The following MFSD8 variants were observed in gnomAD, a reference collection of about 807,000 sequenced individuals.
MFSD8 encodes major facilitator superfamily domain-containing protein 8.
MFSD8 carries 55 observed loss-of-function variants against 66.4 expected under a neutral mutation model. That is an observed-to-expected ratio of 0.83 (90% confidence interval 0.67 to 1.04). The LOEUF (loss-of-function observed/expected upper bound fraction) is 1.04. Among genes scored for constraint, MFSD8 ranks in the 50% least tolerant of loss-of-function variants. The pLI, the probability that MFSD8 is intolerant of heterozygous loss-of-function variation, is 0.00. For missense variants in MFSD8, 550 were observed against 627.6 expected (o/e 0.88, Z 1.32); for synonymous variants, 202 against 212.8 (o/e 0.95, Z 0.44).
At chr4:127,960,299 C>T (rs1433710891) in intron 1 of MFSD8, among the ~76,000 whole-genome samples, 3 of 152,150 alleles carry the variant, frequency 2.0e-5, no homozygotes, top group Admixed American at 6.5e-5. Context: ...GAGGCCAAAG[C>T]CGGGCAGACT....
intron 2 of MFSD8, among the ~76,000 whole-genome samples, chr4:127,950,919 G>C (rs1741833236): frequency 6.6e-6 from 1 of 151,300 alleles, no homozygotes; most frequent in Non-Finnish European, 1.5e-5. Flanking sequence ...AAATTAGCTG[G>C]GCATGGTAGC....
Position 127,933,092 on chromosome 4 carries a change from T to C in MFSD8, c.756A>G (p.Ala252=). ...RQCKSINFEE[A]STDEAQVPQG... Reference sequence around the variant, plus strand: ...GGGGAACCTGAGCTTCATCTGTACTTGCTATAGGGAAATAGGAGAAAAATT... The same window carrying C: ...GGGGAACCTGAGCTTCATCTGTACTCGCTATAGGGAAATAGGAGAAAAATT... Residue 252 remains alanine (A), a splice_region_variant and synonymous_variant, in exon 8 of 12, where the codon GCA becomes GCG. Coordinates refer to ENST00000641686, the MANE Select transcript of MFSD8 (RefSeq NM_001371596.2). 6.2e-7 allele frequency: 1 copy of C among 1,612,406 alleles called. No homozygotes were observed. The highest frequency in any genetic ancestry group is 8.5e-7 in the Non-Finnish European group (1 of 1,178,628).
At chr4:127,949,977 T>C in intron 2 of MFSD8, 130 bp from the exon 3 acceptor site, 2 of 668,672 alleles carry the variant, frequency 3.0e-6, no homozygotes, top group Admixed American at 5.5e-5. Context: ...AATGCCTAAT[T>C]TATGAGGCAA....
chr4:127,928,668 T>A (rs1482849303), intron 9 of MFSD8, among the ~76,000 whole-genome samples: 1 of 152,118 alleles, frequency 6.6e-6, no homozygotes, highest in African/African-American at 2.4e-5. Context: ...AAAACCACTA[T>A]GGAAAACAGT....
rs1375020078 is a variant in MFSD8 at position 127,921,515 on chromosome 4, C to T, written c.1350+9G>A. ...TTCTATAATTGCAATGTCAGGGTAC[C>T]TGGCTTACCTGAGGTTTTGGTCCTA... On this transcript the variant is annotated intron_variant, in intron 11 of 11. Transcript: ENST00000641686. The T allele has an allele frequency of 6.2e-7, 1 of 1,614,072 alleles. No homozygotes were observed. The highest frequency in any genetic ancestry group is 1.3e-5 in the African/African-American group (1 of 75,054).
intron 1 of MFSD8, 80 bp from the exon 2 acceptor site, chr4:127,957,672 G>T: frequency 2.1e-6 from 2 of 958,788 alleles, no homozygotes; most frequent in Non-Finnish European, 3.3e-6. Context: ...TTATTCTCTA[G>T]TTATGAAAAT....
At chr4:127,954,374 G>A (rs1453179239) in intron 2 of MFSD8, among the ~76,000 whole-genome samples, 13 of 152,136 alleles carry the variant, frequency 8.5e-5, no homozygotes, top group Admixed American at 8.5e-4. Context: ...CCAGCACTTT[G>A]GGAGGCCAAG....
At chr4:127,925,560 A>C (rs183295974) in intron 9 of MFSD8, among the ~76,000 whole-genome samples, 72 of 152,340 alleles carry the variant, frequency 4.7e-4, no homozygotes, top group African/African-American at 1.7e-3. Flanking sequence ...CACCAGTTAG[A>C]GTGGCAATCA....
chr4:127,960,572 G>A (rs1578999962), intron 1 of MFSD8, among the ~76,000 whole-genome samples: 1 of 152,188 alleles, frequency 6.6e-6, no homozygotes, highest in Non-Finnish European at 1.5e-5. Context: ...AGAAGTGTGT[G>A]CTCAGTGACA....
In MFSD8 at chr4:127,953,572, G is replaced by C. The variant is rs1429981720; in HGVS notation, c.155-3725C>G. 2.8e-3 allele frequency among the ~76,000 whole-genome samples: 12 copies of C among 4,272 alleles called. No individual in the cohort carries two copies. In the South Asian group the frequency reaches 0.071, roughly 25 times the overall value. 2.8% of individuals were successfully genotyped at this position (4,272 alleles called of 152,430 possible). A position where few individuals can be genotyped will look rare whatever the true frequency, so the allele number is the denominator to read the frequency against. On this transcript the variant is annotated intron_variant, in intron 2 of 11. Coordinates refer to ENST00000641686, the MANE Select transcript of MFSD8 (RefSeq NM_001371596.2). ...TTTTTTTTTTTTTTTTTTTTTTTTT[G>C]AGACGGAATCTTGCTCTGTGGCCCA...
chr4:127,938,892 G>T, intron 6 of MFSD8, 54 bp from the exon 7 acceptor site: 1 of 1,367,850 alleles, frequency 7.3e-7, no homozygotes, highest in Non-Finnish European at 1.0e-6. Context: ...TAGAGAAGTT[G>T]TTTAAATTTA....
At chr4:127,962,217 C>T (rs1310339043) in intron 1 of MFSD8, among the ~76,000 whole-genome samples, 1 of 152,074 alleles carries the variant, frequency 6.6e-6, no homozygotes, top group Non-Finnish European at 1.5e-5. Context: ...GCTTCTACAC[C>T]AGCACTTTGG....
chr4:127,936,669 G>A (rs965016858), intron 7 of MFSD8, among the ~76,000 whole-genome samples: 67 of 151,684 alleles, frequency 4.4e-4, no homozygotes, highest in African/African-American at 1.3e-3. Context: ...GGCATTCTGT[G>A]TTTTATTTTT....
At chr4:127,924,100 C>T (rs960752752) in intron 9 of MFSD8, among the ~76,000 whole-genome samples, 3 of 152,044 alleles carry the variant, frequency 2.0e-5, no homozygotes, top group Admixed American at 1.3e-4. Flanking sequence ...CAGTAGAATT[C>T]GGCTGTGAAT....
intron 2 of MFSD8, among the ~76,000 whole-genome samples, chr4:127,956,414 C>A (rs542727148): frequency 6.7e-6 from 1 of 149,534 alleles, no homozygotes; most frequent in East Asian, 2.0e-4. Context: ...GCAGGAGAAT[C>A]ACGCGAACCT....
intron 3 of MFSD8, among the ~76,000 whole-genome samples, chr4:127,948,427 G>A (rs977094012): frequency 5.3e-5 from 8 of 152,118 alleles, no homozygotes; most frequent in African/African-American, 1.7e-4. Context: ...AGGTCAAACC[G>A]CAGGCTTGTC....
chr4:127,939,327 A>C (rs1315642302), intron 6 of MFSD8: 1 of 156,078 alleles, frequency 6.4e-6, no homozygotes, highest in Non-Finnish European at 1.4e-5. Flanking sequence ...ATCAAGACCA[A>C]ACCTTGAGGC....
At position 127,921,552 on chromosome 4, in the gene MFSD8, T is replaced by C. The variant is rs749153763; in HGVS notation, c.1322A>G (p.Tyr441Cys). ...AGGTTTTGGTCCTAGAATTTTTGAA[T>C]ATAGAGTATAGGACATAAGATTGCA... is the stretch of plus-strand genomic sequence containing the variant. ...PVCNLMSYTLYSKILGPKPQG... is the reference protein window; with the variant it reads ...PVCNLMSYTLCSKILGPKPQG... Residue 441 changes from tyrosine to cysteine, a missense_variant, in exon 11 of 12, where the codon TAT becomes TGT. By Grantham distance (194) the Tyr-to-Cys change is radical. Transcript: ENST00000641686. 10 of 1,614,196 alleles carry C rather than the reference T, an allele frequency of 6.2e-6. No homozygotes were observed. In the Admixed American group the frequency reaches 1.7e-4, roughly 27 times the overall value.
rs570067298 is a variant in MFSD8 at position 127,932,777 on chromosome 4, AATAAG to A, written c.863+203_863+207del. The A allele has an allele frequency of 8.8e-4, 406 of 459,024 alleles. 1 individual carries two copies. The highest frequency in any genetic ancestry group is 7.0e-3 in the African/African-American group (350 of 50,152). The allele number at this position is 459,024 out of a possible 1,614,324, so 28.4% of individuals were successfully genotyped here. A position where few individuals can be genotyped will look rare whatever the true frequency, so the allele number is the denominator to read the frequency against. On this transcript the variant is annotated intron_variant, in intron 8 of 11. Coordinates refer to ENST00000641686, the MANE Select transcript of MFSD8 (RefSeq NM_001371596.2). The stretch of plus-strand genomic sequence containing the variant: ...AGTGAAACAGATTCTTTTATAAGAA[AATAAG>A]ATAAGGTAGTTAAGATTATGGACAA...
Sources: allele counts gnomAD v4.1 joint callset (sites outside exome capture counted in the v4.1 genomes callset), GRCh38; gene constraint gnomAD v4.1.1; transcripts MANE v1.5; gene names NCBI Gene and HGNC (gene_info 2026-07-23, HGNC 2026-07-21).